Variants in VAV3 observed in about 807,000 individuals in gnomAD.
VAV3 encodes the protein vav guanine nucleotide exchange factor 3.
VAV3 carries 94 observed loss-of-function variants against 131.2 expected under a neutral mutation model. That is an observed-to-expected ratio of 0.72 (90% confidence interval 0.61 to 0.85). The LOEUF (loss-of-function observed/expected upper bound fraction) is 0.85, where lower values mean the gene tolerates loss of function less well. Among genes scored for constraint, VAV3 ranks in the 40% least tolerant of loss-of-function variants. The pLI is 0.00. For missense variants in VAV3, 939 were observed against 1,002.7 expected, an observed-to-expected ratio of 0.94 and a Z score of 0.86; for synonymous variants, 349 against 342.0, an observed-to-expected ratio of 1.02 and a Z score of -0.22.
chr1:107,900,043 C>G (rs929522208), intron 1 of VAV3, among the ~76,000 whole-genome samples: 1 of 152,122 alleles, frequency 6.6e-6, no homozygotes, highest in African/African-American at 2.4e-5. Flanking sequence ...ATTTGTAGCT[C>G]ACTAAAATTA....
chr1:107,808,619 T>C (rs761262131), intron 2 of VAV3, among the ~76,000 whole-genome samples: 2 of 152,138 alleles, frequency 1.3e-5, no homozygotes, highest in Non-Finnish European at 2.9e-5. Context: ...CAAGTCACCT[T>C]CAATTCCAAA....
intron 22 of VAV3, among the ~76,000 whole-genome samples, chr1:107,608,887 G>A (rs1481485984): frequency 6.6e-6 from 1 of 152,134 alleles, no homozygotes; most frequent in African/African-American, 2.4e-5. Context: ...TCATTTCTAT[G>A]CATGTATTTT....
chr1:107,732,776 G>A (rs537931370), intron 15 of VAV3, among the ~76,000 whole-genome samples: 62 of 152,232 alleles, frequency 4.1e-4, no homozygotes, highest in African/African-American at 1.3e-3. Flanking sequence ...CTCCACCTCT[G>A]GGGGCAGGGC....
chr1:107,862,202 C>CGCA (rs545265029), intron 2 of VAV3, among the ~76,000 whole-genome samples: 1 of 151,596 alleles, frequency 6.6e-6, no homozygotes, highest in Non-Finnish European at 1.5e-5. Context: ...AGGAAGCCTG[C>CGCA]GCAGCCGGAC....
At chr1:107,593,501 G>T (rs1394607104) in intron 25 of VAV3, among the ~76,000 whole-genome samples, 2 of 152,104 alleles carry the variant, frequency 1.3e-5, no homozygotes, top group African/African-American at 4.8e-5. Flanking sequence ...AGGACTTTTA[G>T]AAGTAATGGA....
intron 25 of VAV3, among the ~76,000 whole-genome samples, chr1:107,583,876 T>C (rs1475959592): frequency 6.6e-6 from 1 of 152,170 alleles, no homozygotes; most frequent in East Asian, 1.9e-4. Flanking sequence ...AAGCTACCAA[T>C]GACTTTCTTC....
intron 22 of VAV3, among the ~76,000 whole-genome samples, chr1:107,607,099 C>T (rs931520062): frequency 3.3e-5 from 5 of 150,104 alleles, no homozygotes; most frequent in Non-Finnish European, 7.5e-5. Flanking sequence ...GGATTACAGG[C>T]ACCCACAACC....
intron 2 of VAV3, among the ~76,000 whole-genome samples, chr1:107,825,024 C>T (rs1667950696): frequency 6.6e-6 from 1 of 152,262 alleles, no homozygotes; most frequent in South Asian, 2.1e-4. Flanking sequence ...TGGTCCAAGT[C>T]TGTCTTAACA....
rs192835089 is a variant in VAV3 at position 107,640,461 on chromosome 1, G to A, written c.1914+2158C>T. ...AACAGTGGTTGCTGAGGGTTGTTGC[G>A]CAAGGCGGAACAAAGCAACAGGAAG... On this transcript the variant is annotated intron_variant, in intron 20 of 26. Coordinates refer to ENST00000370056, the MANE Select transcript of VAV3 (RefSeq NM_006113.5). 1.2e-3 allele frequency among the ~76,000 whole-genome samples: 177 copies of A among 152,220 alleles called. 1 individual carries two copies. The highest frequency in any genetic ancestry group is 3.8e-3 in the African/African-American group (158 of 41,542).
chr1:107,644,508 A>G (rs1655581684), intron 19 of VAV3, among the ~76,000 whole-genome samples: 1 of 152,128 alleles, frequency 6.6e-6, no homozygotes, highest in South Asian at 2.1e-4. Flanking sequence ...TAAACCTCAA[A>G]GAGCTGATGT....
intron 12 of VAV3, among the ~76,000 whole-genome samples, chr1:107,753,559 C>T (rs184553060): frequency 1.1e-4 from 10 of 92,456 alleles, no homozygotes; most frequent in African/African-American, 2.0e-4. Context: ...TACACACACA[C>T]ACTTTTTTTT....
At chr1:107,917,805 G>A (rs1672693636) in intron 1 of VAV3, among the ~76,000 whole-genome samples, 1 of 151,832 alleles carries the variant, frequency 6.6e-6, no homozygotes, top group South Asian at 2.1e-4. Context: ...ATACTGCATG[G>A]GCTTCCCTAA....
chr1:107,936,818 C>T (rs1341743938), intron 1 of VAV3, among the ~76,000 whole-genome samples: 2 of 152,212 alleles, frequency 1.3e-5, no homozygotes, highest in Non-Finnish European at 2.9e-5. Context: ...AATTTATGCA[C>T]TTATGCCTCA....
chr1:107,868,164 C>G (rs1670089073), intron 2 of VAV3, among the ~76,000 whole-genome samples: 1 of 152,094 alleles, frequency 6.6e-6, no homozygotes, highest in African/African-American at 2.4e-5. Flanking sequence ...TGATTTAAGT[C>G]CCATGGATGA....
chr1:107,576,411 A>G (rs1361788571), intron 25 of VAV3: 1 of 1,525,160 alleles, frequency 6.6e-7, no homozygotes, highest in South Asian at 1.2e-5. Context: ...AAGGAGTGGA[A>G]GAAGGGGGAA....
chr1:107,774,524 C>T (rs1198603552), intron 4 of VAV3, among the ~76,000 whole-genome samples: 2 of 152,154 alleles, frequency 1.3e-5, no homozygotes, highest in Non-Finnish European at 2.9e-5. Flanking sequence ...TTGCTAACAG[C>T]TTAGTCAACA....
intron 1 of VAV3, among the ~76,000 whole-genome samples, chr1:107,883,787 C>T (rs1670898192): frequency 6.6e-6 from 1 of 152,154 alleles, no homozygotes; most frequent in South Asian, 2.1e-4. Context: ...TTCAACAGCT[C>T]TTGTCCTTAT....
At chr1:107,754,897 C>A (rs950213647) in intron 12 of VAV3, among the ~76,000 whole-genome samples, 4 of 152,156 alleles carry the variant, frequency 2.6e-5, no homozygotes, top group African/African-American at 4.8e-5. Context: ...CTTTTTCCAA[C>A]CAACTTATCT....
At chr1:107,703,138 C>T (rs1395799552) in intron 17 of VAV3, among the ~76,000 whole-genome samples, 3 of 152,036 alleles carry the variant, frequency 2.0e-5, no homozygotes, top group Admixed American at 1.3e-4. Flanking sequence ...TTTATATAAA[C>T]ATTAGCCTAC....
Sources: gnomAD v4.1 joint callset for allele counts (sites outside exome capture counted in the v4.1 genomes callset) on GRCh38, gnomAD v4.1.1 for gene constraint, MANE v1.5 for transcripts, NCBI Gene and HGNC (gene_info 2026-07-23, HGNC 2026-07-21) for gene names.